Variants in ZBTB20 observed in about 807,000 individuals in gnomAD.
The protein encoded by ZBTB20 is zinc finger and BTB domain-containing protein 20.
In ZBTB20, 9 loss-of-function variants were observed where a neutral mutation model predicts 56.9. The ratio of observed to expected loss-of-function variants is 0.16; its 90% CI spans 0.10 to 0.28. The LOEUF (loss-of-function observed/expected upper bound fraction) is 0.28. Ranked by LOEUF, ZBTB20 falls within the 10% of genes least tolerant of loss-of-function variation. ZBTB20 has a pLI of 1.00. For missense variants in ZBTB20, 655 were observed against 1,003.0 expected, an observed-to-expected ratio of 0.65 and a Z score of 4.69; for synonymous variants, 417 against 420.7, an observed-to-expected ratio of 0.99 and a Z score of 0.11.
intron 5 of ZBTB20, among the ~76,000 whole-genome samples, chr3:114,733,718 T>C (rs745307901): frequency 2.6e-5 from 4 of 152,138 alleles, no homozygotes; most frequent in Non-Finnish European, 5.9e-5. Flanking sequence ...ACATGACATT[T>C]TGATATACAT....
rs560064476 is a variant in ZBTB20, at chr3:114,769,538, T to A, written c.-343+31563A>T. ...AAATAGCTAATATACTTTGTTTTACTGTGTGCCAAAATGCATATATATATA... is the reference window on the plus strand; with the variant it reads ...AAATAGCTAATATACTTTGTTTTACAGTGTGCCAAAATGCATATATATATA... On this transcript the variant is annotated intron_variant, in intron 5 of 11. Coordinates refer to ENST00000675478, the MANE Select transcript of ZBTB20 (RefSeq NM_001348800.3). Among the ~76,000 whole-genome samples the A allele has an allele frequency of 4.9e-5, 7 of 143,688 alleles. No individual in the cohort carries two copies. The East Asian group carries it at 1.4e-3, about 29-fold the overall frequency. The allele number at this position is 143,688 out of a possible 152,430, so 94.3% of individuals were successfully genotyped here.
At chr3:114,379,469 A>G (rs986185562) in intron 10 of ZBTB20, among the ~76,000 whole-genome samples, 11 of 152,230 alleles carry the variant, frequency 7.2e-5, no homozygotes, top group African/African-American at 2.7e-4. Flanking sequence ...CCTAAACGTG[A>G]TTTATCAACT....
Position 114,350,521 on chromosome 3 carries a change from A to G in ZBTB20, c.1557T>C (p.Ser519=), listed in dbSNP as rs1394217134. The G allele has an allele frequency of 5.0e-6, 8 of 1,613,938 alleles. No homozygotes were observed. The highest frequency in any genetic ancestry group is 1.1e-5 in the South Asian group (1 of 91,070). ...PALFTTQPAG[S]GPKPFLFSLP... Reference sequence around the variant, plus strand: ...GGCTGAAGAGGAAAGGCTTGGGGCCACTGCCCGCGGGCTGGGTAGTGAAGA... The same window carrying G: ...GGCTGAAGAGGAAAGGCTTGGGGCCGCTGCCCGCGGGCTGGGTAGTGAAGA... Residue 519 remains serine (S), a synonymous_variant, in exon 11 of 12, where the codon AGT becomes AGC. Transcript: ENST00000675478.
chr3:115,143,088 G>T (rs775186667), intron 1 of ZBTB20, among the ~76,000 whole-genome samples: 1 of 152,198 alleles, frequency 6.6e-6, no homozygotes, highest in Non-Finnish European at 1.5e-5. Flanking sequence ...CCCACTACTT[G>T]AAGTCACAAT....
chr3:114,705,509 CA>C (rs2063664780), intron 5 of ZBTB20, among the ~76,000 whole-genome samples: 1 of 152,098 alleles, frequency 6.6e-6, no homozygotes, highest in Non-Finnish European at 1.5e-5. Context: ...AATAAGACCA[CA>C]AGAAGGCAAA....
At chr3:114,611,557 T>G (rs1268333811) in intron 6 of ZBTB20, among the ~76,000 whole-genome samples, 2 of 152,128 alleles carry the variant, frequency 1.3e-5, no homozygotes, top group Non-Finnish European at 2.9e-5. Flanking sequence ...TTTGCTAACA[T>G]GAAATCAAAA....
intron 3 of ZBTB20, among the ~76,000 whole-genome samples, chr3:114,912,503 T>C (rs966481272): frequency 2.0e-4 from 30 of 151,944 alleles, no homozygotes; most frequent in Admixed American, 3.9e-4. Context: ...TATATATTTA[T>C]GGGGTACATG....
At chr3:114,446,010 G>T (rs1250276233) in intron 7 of ZBTB20, among the ~76,000 whole-genome samples, 1 of 151,944 alleles carries the variant, frequency 6.6e-6, no homozygotes, top group African/African-American at 2.4e-5. Flanking sequence ...AGTTCACTGC[G>T]ACAATCTATA....
chr3:115,023,371 C>CT (rs1161161440), intron 2 of ZBTB20, among the ~76,000 whole-genome samples: 2 of 150,832 alleles, frequency 1.3e-5, no homozygotes, highest in Admixed American at 6.6e-5. Flanking sequence ...CATAAACTCT[C>CT]TTTTTTTGTT....
intron 6 of ZBTB20, among the ~76,000 whole-genome samples, chr3:114,611,794 C>A (rs2057574407): frequency 6.6e-6 from 1 of 152,154 alleles, no homozygotes; most frequent in African/African-American, 2.4e-5. Flanking sequence ...CTAATCCCAA[C>A]CCTCTCAATC....
intron 3 of ZBTB20, among the ~76,000 whole-genome samples, chr3:114,918,170 G>C (rs2075821101): frequency 6.6e-6 from 1 of 151,676 alleles, no homozygotes; most frequent in African/African-American, 2.4e-5. Flanking sequence ...GTACTAACAA[G>C]CTACTGTCAA....
chr3:115,030,882 G>A (rs961801589), intron 2 of ZBTB20, among the ~76,000 whole-genome samples: 2 of 151,294 alleles, frequency 1.3e-5, no homozygotes, highest in African/African-American at 4.8e-5. Flanking sequence ...GTTAATCTCT[G>A]TTATGTGAAG....
intron 4 of ZBTB20, among the ~76,000 whole-genome samples, chr3:114,840,221 G>T (rs1560307838): frequency 2.8e-5 from 4 of 144,426 alleles, no homozygotes; most frequent in Admixed American, 6.9e-5. Flanking sequence ...GGGTCGCTGT[G>T]TGATATGTTA....
chr3:114,416,764 G>A (rs376559965), intron 7 of ZBTB20, among the ~76,000 whole-genome samples: 2 of 152,112 alleles, frequency 1.3e-5, no homozygotes, highest in African/African-American at 4.8e-5. Context: ...AATATGCTCC[G>A]GTTTGAAACT....
intron 10 of ZBTB20, among the ~76,000 whole-genome samples, chr3:114,361,608 G>A (rs2081893806): frequency 6.6e-6 from 1 of 152,120 alleles, no homozygotes; most frequent in African/African-American, 2.4e-5. Flanking sequence ...ATAAAACAAA[G>A]AGTTTTCTTT....
chr3:114,899,490 T>G (rs943662364), intron 4 of ZBTB20, among the ~76,000 whole-genome samples: 4 of 152,186 alleles, frequency 2.6e-5, no homozygotes, highest in Non-Finnish European at 4.4e-5. Context: ...TTTCGAGAAG[T>G]TGGCATACAC....
At chr3:114,497,416 C>G (rs1467460025) in intron 7 of ZBTB20, among the ~76,000 whole-genome samples, 3 of 152,192 alleles carry the variant, frequency 2.0e-5, no homozygotes, top group African/African-American at 4.8e-5. Context: ...CTCTTTCAAC[C>G]ACCATGTTTC....
At chr3:114,502,628 T>C (rs1047543437) in intron 6 of ZBTB20, among the ~76,000 whole-genome samples, 10 of 152,236 alleles carry the variant, frequency 6.6e-5, no homozygotes, top group Non-Finnish European at 1.3e-4. Context: ...TTGAAATATA[T>C]ATATAACACT....
intron 7 of ZBTB20, among the ~76,000 whole-genome samples, chr3:114,400,206 A>G (rs2086694468): frequency 6.6e-6 from 1 of 152,142 alleles, no homozygotes; most frequent in African/African-American, 2.4e-5. Context: ...CCAAGTCACT[A>G]ACTTTTGTGA....
Sources: allele counts gnomAD v4.1 joint callset (sites outside exome capture counted in the v4.1 genomes callset), GRCh38; gene constraint gnomAD v4.1.1; transcripts MANE v1.5; gene names NCBI Gene and HGNC (gene_info 2026-07-23, HGNC 2026-07-21).